Variants in ADGRE2 observed in about 807,000 individuals in gnomAD.
ADGRE2 encodes the protein adhesion G protein-coupled receptor E2.
Under a neutral mutation model 100.8 loss-of-function variants are expected in ADGRE2, and 83 were observed. The ratio of observed to expected loss-of-function variants is 0.82; its 90% confidence interval spans 0.69 to 0.99. ADGRE2 has a LOEUF of 0.99. Among genes scored for constraint, ADGRE2 ranks in the 50% least tolerant of loss-of-function variants. The pLI is 0.00. For synonymous variants in ADGRE2, 355 were observed against 413.0 expected, an observed-to-expected ratio of 0.86 and a Z score of 1.70; for missense variants, 814 against 1,035.7, an observed-to-expected ratio of 0.79 and a Z score of 2.94.
Position 14,736,251 on chromosome 19 carries a change from T to C in ADGRE2, c.2464-7A>G. On this transcript the variant is annotated splice_polypyrimidine_tract_variant and splice_region_variant and intron_variant, in intron 20 of 20. Transcript: ENST00000315576. ...GAAGATTTTTCTAGTTAACCTGAAA[T>C]ATATATATATGTATGTATTTTGTTG... 1.3e-6 allele frequency: 2 copies of C among 1,511,044 alleles called. No individual in the cohort carries two copies. Among genetic ancestry groups the C allele is most frequent in the Non-Finnish European group, 1.8e-6 (2 of 1,092,042 alleles). The allele number at this position is 1,511,044 out of a possible 1,614,324, so 93.6% of individuals were successfully genotyped here.
intron 11 of ADGRE2, among the ~76,000 whole-genome samples, chr19:14,757,263 T>C (rs1354106348): frequency 2.0e-5 from 3 of 152,238 alleles, no homozygotes; most frequent in Non-Finnish European, 4.4e-5. Flanking sequence ...GTTCATGGAT[T>C]GGAAGACTTT....
chr19:14,773,394 T>C (rs867005337), intron 4 of ADGRE2, among the ~76,000 whole-genome samples: 1 of 144,798 alleles, frequency 6.9e-6, no homozygotes, highest in African/African-American at 2.6e-5. Flanking sequence ...TTTCTCTCCT[T>C]CTCTCTTTCT....
At chr19:14,754,849 C>A in intron 14 of ADGRE2, 105 bp downstream of exon 14, 1 of 1,303,578 alleles carries the variant, frequency 7.7e-7, no homozygotes, top group Non-Finnish European at 1.1e-6. Flanking sequence ...CTTGCTGACC[C>A]AGAGCTGTGA....
intron 14 of ADGRE2, among the ~76,000 whole-genome samples, chr19:14,754,477 A>ATCTATCTGTCTATCTATCTATCTATCTG (rs144447992): frequency 3.3e-5 from 5 of 150,150 alleles, no homozygotes; most frequent in African/African-American, 1.2e-4. Context: ...CTATCTATCT[A>ATCTATCTGTCTATCTATCTATCTATCTG]TCTATCTATC....
At chr19:14,754,142 G>T (rs1194731184) in intron 14 of ADGRE2, among the ~76,000 whole-genome samples, 1 of 151,670 alleles carries the variant, frequency 6.6e-6, no homozygotes, top group Non-Finnish European at 1.5e-5. Context: ...TGTGCTGGAT[G>T]CTTCCTGCCC....
chr19:14,761,943 G>C (rs1239637378), intron 11 of ADGRE2, among the ~76,000 whole-genome samples: 3 of 152,170 alleles, frequency 2.0e-5, no homozygotes, highest in Non-Finnish European at 4.4e-5. Flanking sequence ...TCTCACAAGA[G>C]AGAGAGTTGT....
At chr19:14,763,204 G>C (rs1223340115) in intron 11 of ADGRE2, among the ~76,000 whole-genome samples, 1 of 151,898 alleles carries the variant, frequency 6.6e-6, no homozygotes, top group African/African-American at 2.4e-5. Context: ...TTAGCTGGGC[G>C]TGGTGGCGGG....
At chr19:14,746,503 C>G (rs1173811017) in intron 17 of ADGRE2, among the ~76,000 whole-genome samples, 180 bp from the exon 18 acceptor site, 1 of 151,608 alleles carries the variant, frequency 6.6e-6, no homozygotes, top group East Asian at 1.9e-4. Flanking sequence ...CTCCCGAGTA[C>G]AGGCACCCAC....
At position 14,776,891 on chromosome 19, in the gene ADGRE2, C is replaced by T. The variant is rs1206188567; in HGVS notation, c.-135G>A. The T allele has an allele frequency of 3.3e-6, 5 of 1,520,416 alleles. No homozygotes were observed. In the African/African-American group the frequency reaches 4.2e-5, roughly 13 times the overall value. The allele number at this position is 1,520,416 out of a possible 1,614,324, so 94.2% of individuals were successfully genotyped here. A position where few individuals can be genotyped will look rare whatever the true frequency, so the allele number is the denominator to read the frequency against. On this transcript the variant is annotated 5_prime_UTR_variant, in exon 2 of 21. Coordinates refer to ENST00000315576, the MANE Select transcript of ADGRE2 (RefSeq NM_013447.4). ...TTATAAAGGAGGGGGGGCGGACAGC[C>T]GCTGGCCCAGGGCCCTCCCCGGAAC...
intron 4 of ADGRE2, among the ~76,000 whole-genome samples, chr19:14,772,774 T>C (rs1357500305): frequency 6.6e-6 from 1 of 150,538 alleles, no homozygotes; most frequent in East Asian, 1.9e-4. Context: ...CCCAGTCTTT[T>C]TGTAGAAATT....
At chr19:14,772,639 C>T in intron 4 of ADGRE2, 142 bp from the exon 5 acceptor site, 1 of 997,920 alleles carries the variant, frequency 1.0e-6, no homozygotes, top group Non-Finnish European at 1.5e-6. Flanking sequence ...ACAGGCTATG[C>T]TGCAGCTGGA....
chr19:14,777,040 G>T (rs934028842), intron 1 of ADGRE2, 113 bp from the exon 2 acceptor site: 3 of 1,262,394 alleles, frequency 2.4e-6, no homozygotes, highest in Non-Finnish European at 3.0e-6. Flanking sequence ...CAAGAATGAA[G>T]TGCAACCTGC....
chr19:14,756,188 C>A, intron 12 of ADGRE2, 50 bp downstream of exon 12: 1 of 1,349,748 alleles, frequency 7.4e-7, no homozygotes, highest in Non-Finnish European at 1.1e-6. Flanking sequence ...TCTTGGGCAT[C>A]TTTTCCCACC....
chr19:14,728,536 A>G (rs2042648022), downstream of ADGRE2, among the ~76,000 whole-genome samples: 1 of 152,208 alleles, frequency 6.6e-6, no homozygotes, highest in East Asian at 1.9e-4. Context: ...GAAGCACATC[A>G]CTTATAAATG....
intron 18 of ADGRE2, among the ~76,000 whole-genome samples, chr19:14,745,426 C>T (rs1362066388): frequency 6.6e-6 from 1 of 152,040 alleles, no homozygotes; most frequent in East Asian, 1.9e-4. Flanking sequence ...CAAATTCTCC[C>T]CTCTAGCTAT....
At position 14,770,669 on chromosome 19, in the gene ADGRE2, C is replaced by CTTTTCTTTTTCTTTTTTTTTT. The variant is rs1380079488; in HGVS notation, c.355+1672_355+1673insAAAAAAAAAAGAAAAAGAAAA. On this transcript the variant is annotated intron_variant, in intron 5 of 20. Coordinates refer to ENST00000315576, the MANE Select transcript of ADGRE2 (RefSeq NM_013447.4). ...CTTTTTCTTTTTGTTTCTTTCTTTTCTTTTTTTTTTTTTTTTTTTTTTTTT... is the reference window on the plus strand; with the variant it reads ...CTTTTTCTTTTTGTTTCTTTCTTTTCTTTTCTTTTTCTTTTTTTTTTTTTTTTTTTTTTTTTTTTTTTTTTT... Among the ~76,000 whole-genome samples, 3 of 85,010 alleles carry CTTTTCTTTTTCTTTTTTTTTT rather than the reference C, an allele frequency of 3.5e-5. 1 individual carries two copies. Among genetic ancestry groups the CTTTTCTTTTTCTTTTTTTTTT allele is most frequent in the Admixed American group, 2.5e-4 (2 of 7,858 alleles). 55.8% of individuals were successfully genotyped at this position (85,010 alleles called of 152,430 possible). A position where few individuals can be genotyped will look rare whatever the true frequency, so the allele number is the denominator to read the frequency against.
chr19:14,739,634 G>A (rs974361678), intron 20 of ADGRE2, among the ~76,000 whole-genome samples: 5 of 152,120 alleles, frequency 3.3e-5, no homozygotes, highest in East Asian at 1.9e-4. Context: ...CCCCCAAAGA[G>A]GTTCACATCC....
At chr19:14,741,803 C>G (rs1373552940) in intron 20 of ADGRE2, 4 of 371,414 alleles carry the variant, frequency 1.1e-5, no homozygotes, top group Non-Finnish European at 1.9e-5. Flanking sequence ...GTACATTTGA[C>G]ACAAATCCAA....
chr19:14,746,376 T>A, intron 17 of ADGRE2, 53 bp from the exon 18 acceptor site: 10 of 267,774 alleles, frequency 3.7e-5, no homozygotes, highest in Non-Finnish European at 5.9e-5. Flanking sequence ...CTGTTATCTC[T>A]TTTTTTTTTT....
Sources: allele counts gnomAD v4.1 joint callset (sites outside exome capture counted in the v4.1 genomes callset), GRCh38; gene constraint gnomAD v4.1.1; transcripts MANE v1.5; gene names NCBI Gene and HGNC (gene_info 2026-07-23, HGNC 2026-07-21).